The following CYFIP2 variants were observed in gnomAD, a reference collection of about 807,000 sequenced individuals.
The protein encoded by CYFIP2 is cytoplasmic FMR1 interacting protein 2.
CYFIP2 carries 29 observed loss-of-function variants against 158.7 expected under a neutral mutation model. The observed-to-expected ratio is 0.18, with a 90% confidence interval of 0.14 to 0.25. The LOEUF (loss-of-function observed/expected upper bound fraction) is 0.25, where lower values mean the gene tolerates loss of function less well. CYFIP2 is among the 10% of genes least tolerant of loss of function. CYFIP2 has a pLI of 1.00. For missense variants in CYFIP2, 852 were observed against 1,639.5 expected (o/e 0.52, Z 8.29); for synonymous variants, 585 against 617.6 (o/e 0.95, Z 0.78).
At chr5:157,283,780 G>A (rs1757168186) in intron 1 of CYFIP2, among the ~76,000 whole-genome samples, 1 of 152,212 alleles carries the variant, frequency 6.6e-6, no homozygotes, top group Non-Finnish European at 1.5e-5. Flanking sequence ...TAGTCTCGGG[G>A]CAGCAGGACC....
At chr5:157,321,413 A>G (rs938248183) in intron 15 of CYFIP2, among the ~76,000 whole-genome samples, 3 of 152,318 alleles carry the variant, frequency 2.0e-5, no homozygotes, top group African/African-American at 7.2e-5. Flanking sequence ...GAAGTCTAGT[A>G]TTTGGAAACA....
At position 157,333,588 on chromosome 5, in the gene CYFIP2, A is replaced by G. The variant is rs557577952; in HGVS notation, c.2385+142A>G. The G allele has an allele frequency of 1.0e-5, 12 of 1,191,248 alleles. No homozygotes were observed. The East Asian group carries it at 2.6e-4, about 26-fold the overall frequency. 73.8% of individuals were successfully genotyped at this position (1,191,248 alleles called of 1,614,324 possible). A position where few individuals can be genotyped will look rare whatever the true frequency, so the allele number is the denominator to read the frequency against. On this transcript the variant is annotated intron_variant, in intron 21 of 30. Transcript: ENST00000620254. The stretch of plus-strand genomic sequence containing the variant: ...TCCCATCTGAATGGAGCTGGGAAAG[A>G]AAAACTTACACAGAATAAGAGTAAT...
At position 157,370,172 on chromosome 5, in the gene CYFIP2, C is replaced by A. The variant is rs77034816; in HGVS notation, c.3039+8574C>A. ...GGGATTACAGGCATGAGCTACCACA[C>A]CTGGCCAGACCCAGATGTTTTAAAA... On this transcript the variant is annotated intron_variant, in intron 26 of 30. Transcript: ENST00000620254. Among the ~76,000 whole-genome samples the A allele has an allele frequency of 6.8e-4, 104 of 152,288 alleles. No homozygotes were observed. In the East Asian group the frequency reaches 0.016, roughly 23 times the overall value.
intron 30 of CYFIP2, among the ~76,000 whole-genome samples, chr5:157,391,997 A>C (rs569527197): frequency 3.9e-5 from 6 of 152,116 alleles, no homozygotes; most frequent in Non-Finnish European, 8.8e-5. Flanking sequence ...TTTTGATTTG[A>C]ATTTCCCTAA....
chr5:157,343,043 GCCT>G, intron 23 of CYFIP2: 1 of 1,614,178 alleles, frequency 6.2e-7, no homozygotes. Flanking sequence ...AAGATCCGGG[GCCT>G]CCTCTGGCCA....
rs1761200695 is a variant in CYFIP2, at chr5:157,328,496, C to T, written c.2156+447C>T. 3.3e-5 allele frequency among the ~76,000 whole-genome samples: 5 copies of T among 152,316 alleles called. No homozygotes were observed. The South Asian group carries it at 8.3e-4, about 25-fold the overall frequency. On this transcript the variant is annotated intron_variant, in intron 19 of 30. Transcript: ENST00000620254. Reference sequence around the variant, plus strand: ...AAAAGGAACTGCTTGTGCAAGGACCCTGCGGTGGGAGTATGATGATAACAG... The same window carrying T: ...AAAAGGAACTGCTTGTGCAAGGACCTTGCGGTGGGAGTATGATGATAACAG...
At chr5:157,366,969 A>G (rs1220282) in intron 26 of CYFIP2, among the ~76,000 whole-genome samples, 80,721 of 152,076 alleles carry the variant, frequency 0.53, 22,304 homozygotes, top group African/African-American at 0.62. Flanking sequence ...CCCGGGAAGG[A>G]CAGAGCCCTT....
Position 157,339,255 on chromosome 5 carries a change from C to T in CYFIP2, c.2584C>T (p.Arg862Cys). 6.2e-7 allele frequency: 1 copy of T among 1,600,874 alleles called. No homozygotes were observed. Among genetic ancestry groups the T allele is most frequent in the South Asian group, 1.1e-5 (1 of 90,838 alleles). Residue 862 changes from arginine (R) to cysteine (C), a missense_variant and splice_region_variant, in exon 22 of 31, where the codon CGT (arginine) becomes TGT (cysteine). Arg to Cys is a radical substitution (Grantham distance 180). This residue lies in a region of CYFIP2 where 191 missense variants were observed against 311.2 expected (regional missense o/e 0.61). Transcript: ENST00000620254. ...PNYCYNGSTNRFVRTAIPFTQ... is the reference protein window; with the variant it reads ...PNYCYNGSTNCFVRTAIPFTQ... ...CTACTGCTACAATGGGTCCACTAAC[C>T]GGTAAGGGAGTCCCTGTGCAGAGGG...
intron 26 of CYFIP2, among the ~76,000 whole-genome samples, chr5:157,367,244 A>AG (rs909193132): frequency 1.4e-4 from 21 of 152,328 alleles, no homozygotes; most frequent in South Asian, 4.1e-4. Flanking sequence ...ATAATCTTTT[A>AG]GGGGGTTGCC....
chr5:157,301,312 C>G (rs1260469631), intron 6 of CYFIP2, among the ~76,000 whole-genome samples: 1 of 152,202 alleles, frequency 6.6e-6, no homozygotes, highest in East Asian at 1.9e-4. Flanking sequence ...TCCAGGTACA[C>G]CTGCACACAG....
At chr5:157,286,776 AG>A (rs1757428501) in intron 2 of CYFIP2, among the ~76,000 whole-genome samples, 1 of 152,136 alleles carries the variant, frequency 6.6e-6, no homozygotes, top group African/African-American at 2.4e-5. Context: ...CTGCTTCTGA[AG>A]CTCAGATGAG....
In CYFIP2 at chr5:157,361,331, C is replaced by T; in HGVS notation, c.2909-137C>T. 1 of 1,042,192 alleles carries T rather than the reference C, an allele frequency of 9.6e-7. No homozygotes were observed. Among genetic ancestry groups the T allele is most frequent in the Admixed American group, 2.3e-5 (1 of 43,594 alleles). The allele number at this position is 1,042,192 out of a possible 1,614,324, so 64.6% of individuals were successfully genotyped here. On this transcript the variant is annotated intron_variant, in intron 25 of 30. Transcript: ENST00000620254. The surrounding 1 kb of genome is among the most constrained non-coding windows in gnomAD (Gnocchi z 4.4). ...CCCTGAAAGAAATCTCACTCTGGGCCTGCAGGTAAGAGGGATGCGTGGTTT... is the reference window on the plus strand; with the variant it reads ...CCCTGAAAGAAATCTCACTCTGGGCTTGCAGGTAAGAGGGATGCGTGGTTT...
chr5:157,375,388 G>A (rs546435242), intron 26 of CYFIP2, among the ~76,000 whole-genome samples: 8 of 152,302 alleles, frequency 5.3e-5, no homozygotes, highest in African/African-American at 1.9e-4. Context: ...TGAGGCCAAG[G>A]GGAAGGGCAG....
intron 24 of CYFIP2, among the ~76,000 whole-genome samples, chr5:157,359,355 A>G (rs963720306): frequency 1.3e-5 from 2 of 152,140 alleles, no homozygotes; most frequent in Non-Finnish European, 2.9e-5. Context: ...ATTTTGACCT[A>G]TAGCTGTGCT....
At chr5:157,329,922 C>G (rs1350062378) in intron 19 of CYFIP2, among the ~76,000 whole-genome samples, 2 of 152,208 alleles carry the variant, frequency 1.3e-5, no homozygotes, top group Non-Finnish European at 2.9e-5. Flanking sequence ...GTGGCCCTAC[C>G]TGGTTTGGCC....
chr5:157,393,958 C>G lies in CYFIP2; in HGVS notation c.*958C>G, dbSNP rs1291480044. 1 of 152,088 alleles carries G rather than the reference C, an allele frequency of 6.6e-6. No individual in the cohort carries two copies. The highest frequency in any genetic ancestry group is 6.6e-5 in the Admixed American group (1 of 15,262). 9.4% of individuals were successfully genotyped at this position (152,088 alleles called of 1,614,324 possible). A position where few individuals can be genotyped will look rare whatever the true frequency, so the allele number is the denominator to read the frequency against. ...GGGTTATTTCCACAGAAGCCCAAAA[C>G]GTCTTGGAAACACAGAGGTGAGGAG... On this transcript the variant is annotated 3_prime_UTR_variant, in exon 31 of 31. Coordinates refer to ENST00000620254, the MANE Select transcript of CYFIP2 (RefSeq NM_001037333.3).
At chr5:157,388,554 C>A (rs1047347336) in intron 28 of CYFIP2, among the ~76,000 whole-genome samples, 1 of 152,266 alleles carries the variant, frequency 6.6e-6, no homozygotes, top group East Asian at 1.9e-4. Context: ...GCTTTACACA[C>A]ACACATCACA....
At chr5:157,279,660 C>T (rs917787008) in intron 1 of CYFIP2, among the ~76,000 whole-genome samples, 19 of 152,206 alleles carry the variant, frequency 1.2e-4, no homozygotes, top group African/African-American at 4.6e-4. Flanking sequence ...GAAGACACTG[C>T]ATTTAAACCC....
chr5:157,318,269 T>G (rs950742693), intron 13 of CYFIP2, among the ~76,000 whole-genome samples: 18 of 152,352 alleles, frequency 1.2e-4, no homozygotes, highest in Non-Finnish European at 1.6e-4. Flanking sequence ...ATTTGGGGGT[T>G]TCAGCTAAGA....
Sources: gnomAD v4.1 joint callset for allele counts (sites outside exome capture counted in the v4.1 genomes callset) on GRCh38, gnomAD v4.1.1 for gene constraint, gnomAD v4.1.1 regional missense constraint, Gnocchi (gnomAD v3.1) non-coding constraint, MANE v1.5 for transcripts, NCBI Gene and HGNC (gene_info 2026-07-23, HGNC 2026-07-21) for gene names.